PCBP3: variants seen among roughly 807,000 people sequenced by gnomAD.
PCBP3 encodes poly(rC)-binding protein 3.
PCBP3 carries 25 observed loss-of-function variants against 52.7 expected under a neutral mutation model. That is an observed-to-expected ratio of 0.47 (90% CI 0.35 to 0.66). The LOEUF is 0.66. PCBP3 is among the 30% of genes least tolerant of loss of function. The pLI, the probability that PCBP3 is intolerant of heterozygous loss-of-function variation, is 0.01. For synonymous variants in PCBP3, 162 were observed against 183.0 expected, an observed-to-expected ratio of 0.89 and a Z score of 0.93; for missense variants, 391 against 490.3, an observed-to-expected ratio of 0.80 and a Z score of 1.91.
At chr21:45,910,418 C>T (rs928726766) in intron 10 of PCBP3, among the ~76,000 whole-genome samples, 33 of 152,036 alleles carry the variant, frequency 2.2e-4, no homozygotes, top group Admixed American at 1.9e-3. Flanking sequence ...CCTGAGCCAT[C>T]GGCCTGTCCC....
At chr21:45,865,751 A>G (rs1264653423) in intron 5 of PCBP3, among the ~76,000 whole-genome samples, 1 of 152,120 alleles carries the variant, frequency 6.6e-6, no homozygotes, top group Non-Finnish European at 1.5e-5. Flanking sequence ...TATCACCCGG[A>G]GCTGTGGGCT....
intron 4 of PCBP3, among the ~76,000 whole-genome samples, chr21:45,813,742 C>A (rs2092748560): frequency 6.6e-6 from 1 of 152,202 alleles, no homozygotes; most frequent in Non-Finnish European, 1.5e-5. Context: ...CCACACCCAG[C>A]CTTCCTTTAA....
In PCBP3 at chr21:45,910,926, G is replaced by C; in HGVS notation, c.496G>C (p.Ala166Pro). Residue 166 changes from alanine to proline, a missense_variant, in exon 11 of 18, where the codon GCT becomes CCT. Physicochemically the swap from Ala to Pro is conservative, Grantham distance 27. Coordinates refer to ENST00000681687, the MANE Select transcript of PCBP3 (RefSeq NM_001384156.1). ...GTCCACAGGTGCCCAGGTGCAGGTG[G>C]CTGGGGACATGCTGCCCAACTCCAC... ...RESTGAQVQV[A>P]GDMLPNSTER... is the part of the protein sequence containing the mutation. The C allele has an allele frequency of 6.2e-7, 1 of 1,610,022 alleles. No homozygotes were observed. Among genetic ancestry groups the C allele is most frequent in the African/African-American group, 1.3e-5 (1 of 75,036 alleles).
intron 5 of PCBP3, among the ~76,000 whole-genome samples, chr21:45,889,835 T>C (rs1006692743): frequency 1.9e-4 from 29 of 152,242 alleles, no homozygotes; most frequent in Admixed American, 1.9e-3. Flanking sequence ...CACCTGCAGC[T>C]TCTGATCCCC....
chr21:45,917,728 A>C lies in PCBP3; in HGVS notation c.717+99A>C. The stretch of plus-strand genomic sequence containing the variant: ...TTGCTACTAACATTAATATTACACA[A>C]TAATATTAATCAACTTCTCAGCGTT... On this transcript the variant is annotated intron_variant, in intron 13 of 17. Coordinates refer to ENST00000681687, the MANE Select transcript of PCBP3 (RefSeq NM_001384156.1). This position sits in a 1 kb window ranked among gnomAD's most constrained non-coding sequence, Gnocchi z 5.3. 1 of 950,648 alleles carries C rather than the reference A, an allele frequency of 1.1e-6. No individual in the cohort carries two copies. Among genetic ancestry groups the C allele is most frequent in the South Asian group, 1.3e-5 (1 of 77,810 alleles). 58.9% of individuals were successfully genotyped at this position (950,648 alleles called of 1,614,324 possible). A position where few individuals can be genotyped will look rare whatever the true frequency, so the allele number is the denominator to read the frequency against.
At chr21:45,747,292 G>C (rs1452320206) in intron 3 of PCBP3, among the ~76,000 whole-genome samples, 3 of 152,156 alleles carry the variant, frequency 2.0e-5, no homozygotes, top group Non-Finnish European at 2.9e-5. Context: ...CCTCCCACTG[G>C]GTACCTCCCA....
chr21:45,668,275 A>C (rs1314584201), intron 1 of PCBP3, among the ~76,000 whole-genome samples: 2 of 152,018 alleles, frequency 1.3e-5, no homozygotes, highest in Non-Finnish European at 2.9e-5. Context: ...TTTCCTTTTA[A>C]GCTTTTGAGT....
chr21:45,880,445 G>A lies in PCBP3; in HGVS notation c.11-15763G>A, dbSNP rs923239644. The stretch of plus-strand genomic sequence containing the variant: ...GTCTGAATGAAAAACGCAGGAGTGG[G>A]TGGTGTGGGAGAAAATAGGATTACG... On this transcript the variant is annotated intron_variant, in intron 5 of 17. Transcript: ENST00000681687. The surrounding 1 kb of genome is among the most constrained non-coding windows in gnomAD (Gnocchi z 5.4). 2.0e-5 allele frequency among the ~76,000 whole-genome samples: 3 copies of A among 152,260 alleles called. No homozygotes were observed. Among genetic ancestry groups the A allele is most frequent in the Non-Finnish European group, 4.4e-5 (3 of 68,048 alleles).
At chr21:45,840,664 G>T (rs1013363376) in intron 4 of PCBP3, among the ~76,000 whole-genome samples, 1 of 152,114 alleles carries the variant, frequency 6.6e-6, no homozygotes, top group Non-Finnish European at 1.5e-5. Context: ...CATAATAAGT[G>T]CCCTAGACAG....
intron 2 of PCBP3, among the ~76,000 whole-genome samples, chr21:45,711,488 C>T (rs2083835668): frequency 6.6e-6 from 1 of 152,196 alleles, no homozygotes; most frequent in South Asian, 2.1e-4. Context: ...TTGCACCATC[C>T]ACTATTGATT....
intron 4 of PCBP3, among the ~76,000 whole-genome samples, chr21:45,756,656 G>A (rs904896210): frequency 1.4e-4 from 21 of 152,150 alleles, no homozygotes; most frequent in African/African-American, 4.8e-4. Flanking sequence ...ATCACCACCC[G>A]TAAAACAACC....
intron 4 of PCBP3, among the ~76,000 whole-genome samples, chr21:45,756,675 A>C (rs190694042): frequency 6.6e-6 from 1 of 152,276 alleles, no homozygotes; most frequent in Admixed American, 6.5e-5. Flanking sequence ...CCCCAGGAGC[A>C]GTCACTCCCC....
intron 5 of PCBP3, among the ~76,000 whole-genome samples, chr21:45,855,838 G>A (rs965259985): frequency 6.6e-6 from 1 of 152,226 alleles, no homozygotes; most frequent in African/African-American, 2.4e-5. Flanking sequence ...GAAGTTGCTC[G>A]GCTTGGAGAG....
At chr21:45,940,281 G>C (rs73910229) in intron 17 of PCBP3, 82 bp downstream of exon 17, 28,370 of 1,232,432 alleles carry the variant, frequency 0.023, 1,693 homozygotes, top group African/African-American at 0.18. Context: ...CGGTCGGGGG[G>C]TGGGAGGAGG....
At chr21:45,813,046 A>G (rs1271829619) in intron 4 of PCBP3, among the ~76,000 whole-genome samples, 2 of 151,968 alleles carry the variant, frequency 1.3e-5, no homozygotes, top group Non-Finnish European at 2.9e-5. Flanking sequence ...GAGCATCTTT[A>G]TATGTGTGAT....
chr21:45,744,929 G>T (rs1212071528), intron 3 of PCBP3, among the ~76,000 whole-genome samples: 1 of 152,192 alleles, frequency 6.6e-6, no homozygotes, highest in Non-Finnish European at 1.5e-5. Context: ...TGTTTGCCCT[G>T]TGTGGGTCAG....
chr21:45,816,494 C>T (rs1411005050), intron 4 of PCBP3, among the ~76,000 whole-genome samples: 1 of 71,494 alleles, frequency 1.4e-5, no homozygotes, highest in Non-Finnish European at 2.8e-5. Flanking sequence ...CTCCTCCTCC[C>T]CTTCCCCCTC....
intron 13 of PCBP3, among the ~76,000 whole-genome samples, chr21:45,921,854 G>C (rs2074493372): frequency 6.6e-6 from 1 of 152,022 alleles, no homozygotes; most frequent in Non-Finnish European, 1.5e-5. Flanking sequence ...ATCTGCCTTC[G>C]CCTGCTTTTC....
chr21:45,831,587 A>T (rs1259506051), intron 4 of PCBP3, among the ~76,000 whole-genome samples: 2 of 152,172 alleles, frequency 1.3e-5, no homozygotes, highest in Non-Finnish European at 2.9e-5. Context: ...TATTCCATAC[A>T]CTGGAAAGCA....
Sources: allele counts gnomAD v4.1 joint callset (sites outside exome capture counted in the v4.1 genomes callset), GRCh38; gene constraint gnomAD v4.1.1; non-coding constraint Gnocchi (gnomAD v3.1); transcripts MANE v1.5; gene names NCBI Gene and HGNC (gene_info 2026-07-23, HGNC 2026-07-21).